NOL10: variants seen among roughly 807,000 people sequenced by gnomAD.
The protein encoded by NOL10 is nucleolar protein 10.
NOL10 carries 58 observed loss-of-function variants against 103.5 expected under a neutral mutation model. The observed-to-expected ratio is 0.56, with a 90% CI of 0.45 to 0.70. The LOEUF (loss-of-function observed/expected upper bound fraction) is 0.70, where lower values mean the gene tolerates loss of function less well. Ranked by LOEUF, NOL10 falls within the 30% of genes least tolerant of loss-of-function variation. NOL10 has a pLI of 0.00. For synonymous variants in NOL10, 287 were observed against 282.5 expected (o/e 1.02, Z -0.16); for missense variants, 763 against 807.3 (o/e 0.95, Z 0.67).
At chr2:10,654,797 C>T (rs1572385628) in intron 11 of NOL10, among the ~76,000 whole-genome samples, 1 of 151,964 alleles carries the variant, frequency 6.6e-6, no homozygotes, top group African/African-American at 2.4e-5. Flanking sequence ...AGAAAAATTA[C>T]AACATTTTAA....
At chr2:10,579,245 TAAG>T (rs1411394248) in intron 19 of NOL10, among the ~76,000 whole-genome samples, 3 of 152,372 alleles carry the variant, frequency 2.0e-5, no homozygotes, top group Admixed American at 6.5e-5. Flanking sequence ...ATAATGTTAT[TAAG>T]AAGCACTTTT....
At chr2:10,640,959 G>A (rs1678658704) in intron 13 of NOL10, among the ~76,000 whole-genome samples, 1 of 151,382 alleles carries the variant, frequency 6.6e-6, no homozygotes, top group South Asian at 2.1e-4. Context: ...CTGAGGCGGT[G>A]GATCACTTGA....
At chr2:10,576,995 A>T (rs532700919) in intron 20 of NOL10, among the ~76,000 whole-genome samples, 25 of 152,268 alleles carry the variant, frequency 1.6e-4, no homozygotes, top group African/African-American at 5.8e-4. Context: ...TGAGAAAAAA[A>T]TTTTTTGAGA....
chr2:10,681,850 T>C lies in NOL10; in HGVS notation c.211+121A>G, dbSNP rs973211823. ...GGTGTTTACTATACAATTTTTTCAA[T>C]ATTTCTGTGTGTTTGAAATTTTTTA... is the stretch of plus-strand genomic sequence containing the variant. On this transcript the variant is annotated intron_variant, in intron 3 of 20. Transcript: ENST00000381685. 8 of 414,472 alleles carry C rather than the reference T, an allele frequency of 1.9e-5. No individual in the cohort carries two copies. In the East Asian group the frequency reaches 2.2e-4, roughly 12 times the overall value. 25.7% of individuals were successfully genotyped at this position (414,472 alleles called of 1,614,324 possible).
intron 13 of NOL10, among the ~76,000 whole-genome samples, chr2:10,613,286 T>G (rs561457304): frequency 6.6e-6 from 1 of 152,368 alleles, no homozygotes; most frequent in South Asian, 2.1e-4. Flanking sequence ...GACTAAATTA[T>G]TCTTAATTTC....
chr2:10,614,644 T>C (rs1676743149), intron 13 of NOL10, among the ~76,000 whole-genome samples: 1 of 152,204 alleles, frequency 6.6e-6, no homozygotes, highest in African/African-American at 2.4e-5. Context: ...GAAGTCCTAA[T>C]AAATCAGGTC....
At position 10,667,243 on chromosome 2, in the gene NOL10, C is replaced by A; in HGVS notation, c.566G>T (p.Gly189Val). ...CTCTATGGTTCCTGTGGCAAACAAG[C>A]CATGCACTGAATTTATGTCACAAAC... ...NNVCDINSVHGLFATGTIEGR... is the reference protein window; with the variant it reads ...NNVCDINSVHVLFATGTIEGR... The change falls in exon 8 of 21, where the codon GGC becomes GTC. Residue 189 changes from glycine (G) to valine (V), a missense_variant. By Grantham distance (109) the Gly-to-Val change is moderately radical. Coordinates refer to ENST00000381685, the MANE Select transcript of NOL10 (RefSeq NM_024894.4). The A allele has an allele frequency of 6.3e-7, 1 of 1,588,238 alleles. No individual in the cohort carries two copies. Among genetic ancestry groups the A allele is most frequent in the South Asian group, 1.2e-5 (1 of 86,866 alleles).
At chr2:10,656,784 T>C (rs1351072159) in intron 11 of NOL10, among the ~76,000 whole-genome samples, 2 of 152,214 alleles carry the variant, frequency 1.3e-5, no homozygotes, top group African/African-American at 4.8e-5. Context: ...TGATCTGTTT[T>C]TAAACTAAAA....
chr2:10,638,330 G>GACGTGACGTAACGTAACGTAACGTA (rs1553306407), intron 13 of NOL10, among the ~76,000 whole-genome samples: 1 of 92,740 alleles, frequency 1.1e-5, no homozygotes, highest in African/African-American at 4.9e-5. Context: ...GACGTGACGT[G>GACGTGACGTAACGTAACGTAACGTA]ACGTAACGTA....
chr2:10,593,117 T>C (rs1475690430), intron 17 of NOL10, among the ~76,000 whole-genome samples: 2 of 150,496 alleles, frequency 1.3e-5, no homozygotes, highest in South Asian at 4.2e-4. Flanking sequence ...GATTGCCATT[T>C]GAAACAAATT....
intron 3 of NOL10, 24 bp downstream of exon 3, chr2:10,681,947 A>G (rs1681791139): frequency 1.7e-6 from 2 of 1,150,000 alleles, no homozygotes; most frequent in Non-Finnish European, 2.4e-6. Flanking sequence ...AATGCATGAA[A>G]ATCATAACCA....
chr2:10,587,738 G>T (rs1225399503), intron 19 of NOL10, among the ~76,000 whole-genome samples: 5 of 152,074 alleles, frequency 3.3e-5, no homozygotes, highest in Admixed American at 2.6e-4. Context: ...ACTACATCTG[G>T]TGTTGCAGAT....
In NOL10 at chr2:10,679,359, C is replaced by CAA. The variant is rs535159833; in HGVS notation, c.211+2610_211+2611dup. On this transcript the variant is annotated intron_variant, in intron 3 of 20. Transcript: ENST00000381685. Reference sequence around the variant, plus strand: ...GGGCAACAAGAGTGAAACTCTGCCTCAAAAAAAAAAAAAAAAAATTTCATT... The same window carrying CAA: ...GGGCAACAAGAGTGAAACTCTGCCTCAAAAAAAAAAAAAAAAAAAATTTCATT... Among the ~76,000 whole-genome samples the CAA allele has an allele frequency of 3.3e-3, 359 of 109,326 alleles. 2 individuals are homozygous for CAA. The highest frequency in any genetic ancestry group is 8.8e-3 in the African/African-American group (279 of 31,564). The allele number at this position is 109,326 out of a possible 152,430, so 71.7% of individuals were successfully genotyped here.
chr2:10,689,101 C>T (rs539581071), intron 1 of NOL10, among the ~76,000 whole-genome samples: 1 of 152,198 alleles, frequency 6.6e-6, no homozygotes, highest in Admixed American at 6.6e-5. Flanking sequence ...GCTGGATCAT[C>T]ACGTATAAGA....
intron 13 of NOL10, among the ~76,000 whole-genome samples, chr2:10,617,407 G>C (rs146230078): frequency 2.6e-5 from 4 of 152,158 alleles, no homozygotes; most frequent in Non-Finnish European, 4.4e-5. Flanking sequence ...CTGACAGTTC[G>C]GCAACGAGCA....
intron 3 of NOL10, among the ~76,000 whole-genome samples, chr2:10,676,270 G>A (rs1681300246): frequency 6.6e-6 from 1 of 152,110 alleles, no homozygotes; most frequent in South Asian, 2.1e-4. Flanking sequence ...AAAAACACAC[G>A]ATGTTTCCAT....
intron 13 of NOL10, among the ~76,000 whole-genome samples, chr2:10,623,214 T>C (rs55861579): frequency 6.6e-6 from 1 of 151,552 alleles, no homozygotes; most frequent in African/African-American, 2.4e-5. Flanking sequence ...AAAGCAAAAG[T>C]AAAATTTTAA....
chr2:10,590,963 A>C (rs1675361559), intron 17 of NOL10: 1 of 152,236 alleles, frequency 6.6e-6, no homozygotes, highest in African/African-American at 2.4e-5. Flanking sequence ...ACTCTGCTGA[A>C]CAGACTACTT....
At chr2:10,588,344 A>C (rs1490813386) in intron 19 of NOL10, among the ~76,000 whole-genome samples, 1 of 152,194 alleles carries the variant, frequency 6.6e-6, no homozygotes, top group African/African-American at 2.4e-5. Flanking sequence ...GAACATTTTC[A>C]TAATCCAACC....
Sources: gnomAD v4.1 joint callset for allele counts (sites outside exome capture counted in the v4.1 genomes callset) on GRCh38, gnomAD v4.1.1 for gene constraint, MANE v1.5 for transcripts, NCBI Gene and HGNC (gene_info 2026-07-23, HGNC 2026-07-21) for gene names.